The following SIM1 variants were observed in gnomAD, a reference collection of about 807,000 sequenced individuals.
SIM1 encodes the protein SIM bHLH transcription factor 1, also known as single-minded homolog 1.
A neutral mutation model predicts 78.2 loss-of-function variants in SIM1; 18 were observed. The observed-to-expected ratio is 0.23, with a 90% CI of 0.16 to 0.34. The LOEUF (loss-of-function observed/expected upper bound fraction) is 0.34, where lower values mean the gene tolerates loss of function less well. Among genes scored for constraint, SIM1 ranks in the 10% least tolerant of loss-of-function variants. The pLI, the probability that SIM1 is intolerant of heterozygous loss-of-function variation, is 1.00. For synonymous variants in SIM1, 417 were observed against 385.2 expected (o/e 1.08, Z -0.97); for missense variants, 939 against 975.1 (o/e 0.96, Z 0.49).
chr6:100,427,968 A>G (rs1201203333), intron 9 of SIM1, among the ~76,000 whole-genome samples: 2 of 152,234 alleles, frequency 1.3e-5, no homozygotes, highest in Non-Finnish European at 2.9e-5. Flanking sequence ...TTATCTTTTA[A>G]TAAATTTTGC....
At chr6:100,417,010 G>T (rs1398188870) in intron 10 of SIM1, among the ~76,000 whole-genome samples, 1 of 150,696 alleles carries the variant, frequency 6.6e-6, no homozygotes, top group Non-Finnish European at 1.5e-5. Flanking sequence ...AAACTCTTTG[G>T]CCTAGCATAT....
chr6:100,412,602 AGAAAGAAAGGAAAGAAAGAAG>A (rs1771236541), intron 10 of SIM1, among the ~76,000 whole-genome samples: 2 of 117,468 alleles, frequency 1.7e-5, no homozygotes, highest in African/African-American at 3.2e-5. Context: ...AAAGAAAGAA[AGAAAGAAAGGAAAGAAAGAAG>A]GAAAGAAAGA....
At chr6:100,453,671 T>A (rs770309834) in intron 3 of SIM1, 91 bp downstream of exon 3, 4 of 1,000,296 alleles carry the variant, frequency 4.0e-6, no homozygotes, top group Non-Finnish European at 5.8e-6. Context: ...TTTTTTTTTG[T>A]TTTTGTTTTC....
intron 10 of SIM1, among the ~76,000 whole-genome samples, chr6:100,400,464 C>T (rs1770886188): frequency 6.6e-6 from 1 of 151,844 alleles, no homozygotes; most frequent in South Asian, 2.1e-4. Flanking sequence ...AATGCTTCAA[C>T]CTGAAAAAAA....
intron 10 of SIM1, among the ~76,000 whole-genome samples, chr6:100,417,318 G>C (rs1771428810): frequency 1.3e-5 from 2 of 152,064 alleles, no homozygotes; most frequent in South Asian, 4.1e-4. Flanking sequence ...AGTTATTCTA[G>C]TATATAATTT....
At chr6:100,402,295 TA>T (rs201551300) in intron 10 of SIM1, among the ~76,000 whole-genome samples, 1 of 151,894 alleles carries the variant, frequency 6.6e-6, no homozygotes, top group African/African-American at 2.4e-5. Context: ...GTTAAAGGAT[TA>T]AAAAAAATCA....
intron 9 of SIM1, among the ~76,000 whole-genome samples, chr6:100,444,001 A>G (rs1772286350): frequency 6.6e-6 from 1 of 152,128 alleles, no homozygotes; most frequent in Non-Finnish European, 1.5e-5. Flanking sequence ...TATCTTTAAA[A>G]GTGGCAGAAT....
At chr6:100,432,533 A>G (rs1771930263) in intron 9 of SIM1, among the ~76,000 whole-genome samples, 1 of 152,092 alleles carries the variant, frequency 6.6e-6, no homozygotes. Context: ...TTCAAGCTTC[A>G]CACTTTCCCC....
Position 100,387,650 on chromosome 6 carries a change from G to C in SIM1, c.*2711C>G, listed in dbSNP as rs961795262. On this transcript the variant is annotated 3_prime_UTR_variant, in exon 12 of 12. Transcript: ENST00000369208. The stretch of plus-strand genomic sequence containing the variant: ...TTAAAATGGTTATGTACTTAAAACT[G>C]GGTCAATCTACCAAAATTTTGAATC... 1 of 151,916 alleles carries C rather than the reference G, an allele frequency of 6.6e-6. No homozygotes were observed. 9.4% of individuals were successfully genotyped at this position (151,916 alleles called of 1,614,324 possible). A position where few individuals can be genotyped will look rare whatever the true frequency, so the allele number is the denominator to read the frequency against.
In SIM1 at chr6:100,393,548, T is replaced by G. The variant is rs759735417; in HGVS notation, c.1509A>C (p.Pro503=). 1.9e-6 allele frequency: 3 copies of G among 1,603,136 alleles called. No homozygotes were observed. The highest frequency in any genetic ancestry group is 2.6e-6 in the Non-Finnish European group (3 of 1,172,202). Residue 503 remains proline, a synonymous_variant, in exon 11 of 12, where the codon CCA becomes CCC. Transcript: ENST00000369208. ...TGTTTTCATAGGCTTCTCTGCTTTC[T>G]GGGGAGGCCTTTGTCAGGGGCAAGG... ...RAALPLTKAS[P]ESREAYENSM... is the part of the protein sequence containing the mutation.
chr6:100,424,073 C>T (rs538240730), intron 9 of SIM1, among the ~76,000 whole-genome samples: 1 of 113,498 alleles, frequency 8.8e-6, no homozygotes, highest in South Asian at 3.6e-4. Context: ...CCCCCTCCCA[C>T]CCCCCGCCCA....
intron 10 of SIM1, among the ~76,000 whole-genome samples, chr6:100,405,076 A>C (rs6902666): frequency 6.6e-6 from 1 of 152,058 alleles, no homozygotes; most frequent in African/African-American, 2.4e-5. Context: ...ATAAACAGCA[A>C]AAATAAATCT....
intron 10 of SIM1, 63 bp downstream of exon 10, chr6:100,420,727 T>C (rs1277298230): frequency 1.3e-5 from 19 of 1,478,138 alleles, no homozygotes; most frequent in Non-Finnish European, 1.9e-6. Flanking sequence ...TAATACTTTC[T>C]CAACTTCAAG....
chr6:100,419,687 C>T (rs911486139), intron 10 of SIM1, among the ~76,000 whole-genome samples: 3 of 152,042 alleles, frequency 2.0e-5, no homozygotes, highest in African/African-American at 7.2e-5. Flanking sequence ...TGTCGCCCAG[C>T]CTGGAGTGCA....
intron 9 of SIM1, among the ~76,000 whole-genome samples, chr6:100,428,663 C>G (rs1024249835): frequency 1.4e-5 from 2 of 142,156 alleles, no homozygotes; most frequent in Admixed American, 1.4e-4. Flanking sequence ...GCACACTAGT[C>G]CCCGCCTTAT....
At chr6:100,414,552 A>C (rs1771351160) in intron 10 of SIM1, among the ~76,000 whole-genome samples, 1 of 152,244 alleles carries the variant, frequency 6.6e-6, no homozygotes. Flanking sequence ...TCTCAAATTT[A>C]TCCATGAACA....
chr6:100,421,910 G>T lies in SIM1; in HGVS notation c.999-952C>A, dbSNP rs1270007436. Reference sequence around the variant, plus strand: ...AATTTTCTCTCAGGTACCAGAACTCGCTGGGCTGCCCCTCGGTAATTGATT... The same window carrying T: ...AATTTTCTCTCAGGTACCAGAACTCTCTGGGCTGCCCCTCGGTAATTGATT... On this transcript the variant is annotated intron_variant, in intron 9 of 11. Coordinates refer to ENST00000369208, the MANE Select transcript of SIM1 (RefSeq NM_005068.3). 3.9e-5 allele frequency among the ~76,000 whole-genome samples: 6 copies of T among 152,070 alleles called. No individual in the cohort carries two copies. The South Asian group carries it at 1.0e-3, about 26-fold the overall frequency.
chr6:100,416,809 TA>T lies in SIM1; in HGVS notation c.1167+3980del, dbSNP rs569704073. On this transcript the variant is annotated intron_variant, in intron 10 of 11. Transcript: ENST00000369208. ...AAGAAAAGATACAAGCAACAAAGGA[TA>T]AAACATTCTATCCATTCTTCCTCTA... is the stretch of plus-strand genomic sequence containing the variant. Among the ~76,000 whole-genome samples, 9 of 152,204 alleles carry T rather than the reference TA, an allele frequency of 5.9e-5. No individual in the cohort carries two copies. The East Asian group carries it at 1.7e-3, about 29-fold the overall frequency.
At chr6:100,412,665 G>GAA (rs1358979674) in intron 10 of SIM1, among the ~76,000 whole-genome samples, 139 of 122,114 alleles carry the variant, frequency 1.1e-3, no homozygotes, top group Middle Eastern at 7.8e-3. Context: ...AAGAGAGAGA[G>GAA]AGAGAGAGAA....
Sources: allele counts gnomAD v4.1 joint callset (sites outside exome capture counted in the v4.1 genomes callset), GRCh38; gene constraint gnomAD v4.1.1; transcripts MANE v1.5; gene names NCBI Gene and HGNC (gene_info 2026-07-23, HGNC 2026-07-21).